AFAP1: variants seen among roughly 807,000 people sequenced by gnomAD.
The protein encoded by AFAP1 is actin filament associated protein 1, also known as actin filament-associated protein 1.
Under a neutral mutation model 93.9 loss-of-function variants are expected in AFAP1, and 75 were observed. That is an observed-to-expected ratio of 0.80 (90% CI 0.66 to 0.97). The LOEUF is 0.97. Among genes scored for constraint, AFAP1 ranks in the 50% least tolerant of loss-of-function variants. The probability of loss-of-function intolerance (pLI) is 0.00; values close to 1 mark genes in which losing one functional copy is unlikely to be tolerated. For synonymous variants in AFAP1, 517 were observed against 430.7 expected (o/e 1.20, Z -2.48); for missense variants, 1,201 against 1,050.8 (o/e 1.14, Z -1.98).
chr4:7,928,157 T>C (rs1258584956), intron 1 of AFAP1, among the ~76,000 whole-genome samples: 1 of 152,122 alleles, frequency 6.6e-6, no homozygotes, highest in African/African-American at 2.4e-5. Flanking sequence ...ACCGGTGCCT[T>C]TGGCTAAATG....
chr4:7,896,043 T>C (rs1239011548), intron 1 of AFAP1, among the ~76,000 whole-genome samples: 1 of 151,962 alleles, frequency 6.6e-6, no homozygotes, highest in Non-Finnish European at 1.5e-5. Context: ...GTACTTTTAG[T>C]AGAGACTGGG....
At chr4:7,929,942 A>G (rs1720971358) in intron 1 of AFAP1, among the ~76,000 whole-genome samples, 1 of 152,224 alleles carries the variant, frequency 6.6e-6, no homozygotes, top group East Asian at 1.9e-4. Context: ...ACACACCAAA[A>G]ATCCTAACAA....
Position 7,762,157 on chromosome 4 carries a change from C to G in AFAP1, c.*1608G>C, listed in dbSNP as rs372302509. The G allele has an allele frequency of 1.2e-4, 18 of 152,258 alleles. No individual in the cohort carries two copies. In the East Asian group the frequency reaches 2.1e-3, roughly 18 times the overall value. 9.4% of individuals were successfully genotyped at this position (152,258 alleles called of 1,614,324 possible). On this transcript the variant is annotated 3_prime_UTR_variant, in exon 18 of 18. Transcript: ENST00000420658. Reference sequence around the variant, plus strand: ...CTTCAGTAATCCAACGTGGCCCTTGCAGGCCTCAAGCGCCACCACCTTAAA... The same window carrying G: ...CTTCAGTAATCCAACGTGGCCCTTGGAGGCCTCAAGCGCCACCACCTTAAA...
Position 7,939,623 on chromosome 4 carries a change from C to T in AFAP1, c.-3+33G>A. On this transcript the variant is annotated intron_variant, in intron 1 of 17. Transcript: ENST00000420658. The surrounding 1 kb of genome is among the most constrained non-coding windows in gnomAD (Gnocchi z 5.6). ...CCCGGGGCAGAGACCCCCGCCGGGTCCGGAGACCCTGCCGCCAGTCGCGCC... is the reference window on the plus strand; with the variant it reads ...CCCGGGGCAGAGACCCCCGCCGGGTTCGGAGACCCTGCCGCCAGTCGCGCC... 2.4e-6 allele frequency: 1 copy of T among 414,724 alleles called. No individual in the cohort carries two copies. Among genetic ancestry groups the T allele is most frequent in the Non-Finnish European group, 4.8e-6 (1 of 209,772 alleles). 25.7% of individuals were successfully genotyped at this position (414,724 alleles called of 1,614,324 possible).
chr4:7,807,941 T>C (rs747873794), intron 9 of AFAP1, among the ~76,000 whole-genome samples: 2 of 152,212 alleles, frequency 1.3e-5, no homozygotes, highest in Non-Finnish European at 2.9e-5. Context: ...CGCTGGGACG[T>C]GAGATCTGTT....
chr4:7,860,785 C>A (rs541153845), intron 3 of AFAP1, among the ~76,000 whole-genome samples: 1 of 152,152 alleles, frequency 6.6e-6, no homozygotes, highest in African/African-American at 2.4e-5. Flanking sequence ...AACCGAACAA[C>A]CAAGACTGCA....
intron 1 of AFAP1, among the ~76,000 whole-genome samples, chr4:7,917,820 G>A (rs982240844): frequency 4.6e-5 from 7 of 152,234 alleles, no homozygotes; most frequent in African/African-American, 7.2e-5. Context: ...TTCCTCCTGC[G>A]TCTTTCACTG....
intron 6 of AFAP1, among the ~76,000 whole-genome samples, chr4:7,825,501 A>T (rs1284191604): frequency 6.6e-6 from 1 of 152,262 alleles, no homozygotes; most frequent in Admixed American, 6.5e-5. Flanking sequence ...ACCATTAGTC[A>T]AAGAAGAAAT....
rs775956618 is a variant in AFAP1, at chr4:7,838,644, G to A, written c.606C>T (p.Asn202=). ...PQMELPLQGC[N]ITYIPKDSKK... Reference sequence around the variant, plus strand: ...TGCTGTCTTTCGGGATGTACGTAATGTTACAGCCTTGGAGTGGCAGTTCCA... The same window carrying A: ...TGCTGTCTTTCGGGATGTACGTAATATTACAGCCTTGGAGTGGCAGTTCCA... Residue 202 remains asparagine, a synonymous_variant, in exon 6 of 18, where the codon AAC becomes AAT. Transcript: ENST00000420658. 2 of 1,614,154 alleles carry A rather than the reference G, an allele frequency of 1.2e-6. No individual in the cohort carries two copies. Among genetic ancestry groups the A allele is most frequent in the Admixed American group, 3.3e-5 (2 of 60,030 alleles).
chr4:7,933,869 C>T (rs1721238538), intron 1 of AFAP1, among the ~76,000 whole-genome samples: 1 of 152,220 alleles, frequency 6.6e-6, no homozygotes, highest in Non-Finnish European at 1.5e-5. Flanking sequence ...CCCAGTGACA[C>T]CCACGTCAGA....
chr4:7,910,477 A>G (rs1287805403), intron 1 of AFAP1, among the ~76,000 whole-genome samples: 1 of 152,234 alleles, frequency 6.6e-6, no homozygotes, highest in South Asian at 2.1e-4. Flanking sequence ...ATCAACCAGA[A>G]AAGTAACTGA....
intron 10 of AFAP1, chr4:7,798,817 G>A: frequency 2.2e-6 from 2 of 928,490 alleles, no homozygotes; most frequent in Non-Finnish European, 2.6e-6. Context: ...AACAGCTCCT[G>A]ACTTCCACCC....
At chr4:7,910,911 C>T (rs1332332218) in intron 1 of AFAP1, among the ~76,000 whole-genome samples, 1 of 152,208 alleles carries the variant, frequency 6.6e-6, no homozygotes, top group Admixed American at 6.5e-5. Context: ...GCCCTCCATG[C>T]CACTCTCCTC....
chr4:7,889,011 C>T lies in AFAP1; in HGVS notation c.-2-16931G>A, dbSNP rs182501581. 4.4e-3 allele frequency among the ~76,000 whole-genome samples: 666 copies of T among 152,020 alleles called. 1 individual carries two copies. The highest frequency in any genetic ancestry group is 6.9e-3 in the Non-Finnish European group (471 of 67,966). On this transcript the variant is annotated intron_variant, in intron 1 of 17. Coordinates refer to ENST00000420658, the MANE Select transcript of AFAP1 (RefSeq NM_001134647.2). ...TTCACCATGTTGGCCAGACTGGTCTCGAACTCCTGACCTCAAGTGATCTGC... is the reference window on the plus strand; with the variant it reads ...TTCACCATGTTGGCCAGACTGGTCTTGAACTCCTGACCTCAAGTGATCTGC...
chr4:7,901,151 T>C (rs1201011829), intron 1 of AFAP1, among the ~76,000 whole-genome samples: 1 of 152,232 alleles, frequency 6.6e-6, no homozygotes, highest in African/African-American at 2.4e-5. Flanking sequence ...CATGTAACTT[T>C]AAGCATGACC....
chr4:7,824,531 G>A (rs1721261762), intron 6 of AFAP1, among the ~76,000 whole-genome samples: 1 of 152,178 alleles, frequency 6.6e-6, no homozygotes, highest in Non-Finnish European at 1.5e-5. Context: ...ATTCTTGCAC[G>A]AGTATGTGCA....
chr4:7,905,924 C>G (rs1057036205), intron 1 of AFAP1, among the ~76,000 whole-genome samples: 1 of 152,204 alleles, frequency 6.6e-6, no homozygotes, highest in South Asian at 2.1e-4. Context: ...GAGCACCTTC[C>G]GCAGGGGGAC....
At chr4:7,924,042 T>C (rs1328218774) in intron 1 of AFAP1, among the ~76,000 whole-genome samples, 2 of 152,252 alleles carry the variant, frequency 1.3e-5, no homozygotes, top group Non-Finnish European at 2.9e-5. Context: ...TTAAGGTCAA[T>C]TTAAAATGTC....
intron 1 of AFAP1, among the ~76,000 whole-genome samples, chr4:7,902,036 G>C (rs9654093): frequency 0.19 from 28,644 of 152,134 alleles, 3,284 homozygotes; most frequent in East Asian, 0.5. Context: ...AAACACAATA[G>C]AGAAGACAAC....
Sources: allele counts gnomAD v4.1 joint callset (sites outside exome capture counted in the v4.1 genomes callset), GRCh38; gene constraint gnomAD v4.1.1; non-coding constraint Gnocchi (gnomAD v3.1); transcripts MANE v1.5; gene names NCBI Gene and HGNC (gene_info 2026-07-23, HGNC 2026-07-21).